The following TEX9 variants were observed in gnomAD, a reference collection of about 807,000 sequenced individuals.
TEX9 encodes the protein testis-expressed protein 9.
TEX9 carries 74 observed loss-of-function variants against 59.6 expected under a neutral mutation model. That is an observed-to-expected ratio of 1.24 (90% CI 1.03 to 1.51). The LOEUF (loss-of-function observed/expected upper bound fraction) is 1.51. Among genes scored for constraint, TEX9 ranks in the 40% most tolerant of loss-of-function variants. TEX9 has a pLI of 0.00. For synonymous variants in TEX9, 186 were observed against 152.2 expected (o/e 1.22, Z -1.64); for missense variants, 522 against 447.8 (o/e 1.17, Z -1.49).
intron 2 of TEX9, among the ~76,000 whole-genome samples, chr15:56,372,231 A>G (rs542719879): frequency 1.1e-4 from 17 of 152,224 alleles, no homozygotes; most frequent in Middle Eastern, 3.4e-3. Context: ...TCTTTCTTAG[A>G]TATTTTTCTT....
At chr15:56,387,419 T>C (rs1311257688) in intron 4 of TEX9, among the ~76,000 whole-genome samples, 1 of 152,034 alleles carries the variant, frequency 6.6e-6, no homozygotes, top group Non-Finnish European at 1.5e-5. Flanking sequence ...TTAGTTTCTG[T>C]AATTTTTAAC....
rs78227203 is a variant in TEX9, at chr15:56,418,468, G to T, written c.963+6032G>T. 4.2e-3 allele frequency among the ~76,000 whole-genome samples: 631 copies of T among 150,684 alleles called. 15 individuals carry two copies. Among genetic ancestry groups the T allele is most frequent in the African/African-American group, 0.014 (583 of 40,408 alleles). ...GTTTGGCTTAATATGAAATTCTTGA[G>T]GGCTTTTTTTTTTTCTTTAAGAATA... On this transcript the variant is annotated intron_variant, in intron 10 of 12. Coordinates refer to ENST00000352903, the Ensembl canonical transcript of TEX9.
intron 1 of TEX9, among the ~76,000 whole-genome samples, chr15:56,283,832 C>A (rs16976846): frequency 6.6e-6 from 1 of 151,852 alleles, no homozygotes; most frequent in Admixed American, 6.6e-5. Context: ...AATTTGGTAA[C>A]GCTGATATAA....
intron 1 of TEX9, among the ~76,000 whole-genome samples, chr15:56,316,788 T>C (rs2045778916): frequency 6.6e-6 from 1 of 152,236 alleles, no homozygotes; most frequent in African/African-American, 2.4e-5. Flanking sequence ...ACTGCTGTGC[T>C]AGCAATCAGC....
intron 1 of TEX9, among the ~76,000 whole-genome samples, chr15:56,258,185 A>G (rs1275971677): frequency 6.6e-6 from 1 of 152,012 alleles, no homozygotes; most frequent in Non-Finnish European, 1.5e-5. Flanking sequence ...TGTTTTAGTT[A>G]CTGTAGCCCT....
At chr15:56,317,571 T>G (rs1171437211) in intron 1 of TEX9, among the ~76,000 whole-genome samples, 2 of 152,196 alleles carry the variant, frequency 1.3e-5, no homozygotes, top group Non-Finnish European at 2.9e-5. Flanking sequence ...TTCTACTTGC[T>G]TTGAATTTAG....
intron 1 of TEX9, among the ~76,000 whole-genome samples, chr15:56,273,575 C>T (rs1372837868): frequency 6.6e-6 from 1 of 152,112 alleles, no homozygotes; most frequent in Non-Finnish European, 1.5e-5. Context: ...TTATCTTTGT[C>T]ATTTCTTTGT....
chr15:56,442,928 G>C lies in TEX9; in HGVS notation c.*30-2743G>C, dbSNP rs537771692. Among the ~76,000 whole-genome samples the C allele has an allele frequency of 9.0e-4, 136 of 151,766 alleles. 1 individual carries two copies. The highest frequency in any genetic ancestry group is 1.5e-3 in the Non-Finnish European group (105 of 67,924). On this transcript the variant is annotated intron_variant, in intron 12 of 12. Transcript: ENST00000352903. ...AGAAAAAGAAAAAAAAAAAAATCTT[G>C]AACTCTGATTGTGGATTTGCCTCTT...
At chr15:56,378,610 C>T (rs1433901423) in intron 3 of TEX9, among the ~76,000 whole-genome samples, 2 of 151,636 alleles carry the variant, frequency 1.3e-5, no homozygotes, top group African/African-American at 4.8e-5. Flanking sequence ...GGTCATCTCC[C>T]TTATTTTGTT....
At chr15:56,353,337 A>AT (rs1299459175) in intron 1 of TEX9, among the ~76,000 whole-genome samples, 2 of 152,212 alleles carry the variant, frequency 1.3e-5, no homozygotes, top group African/African-American at 4.8e-5. Flanking sequence ...GGCTTTGACT[A>AT]TTTGTAAGTA....
intron 1 of TEX9, among the ~76,000 whole-genome samples, chr15:56,254,610 ATTC>A: frequency 6.6e-6 from 1 of 151,784 alleles, no homozygotes; most frequent in Admixed American, 6.6e-5. Context: ...GCTAACAGGG[ATTC>A]TTATTTATAA....
downstream of TEX9, among the ~76,000 whole-genome samples, chr15:56,448,585 A>G (rs1404957254): frequency 6.6e-6 from 1 of 152,140 alleles, no homozygotes; most frequent in African/African-American, 2.4e-5. Context: ...TTATGTCTGT[A>G]GAGTATTCCG....
chr15:56,348,318 A>AT (rs2046511607), intron 1 of TEX9, among the ~76,000 whole-genome samples: 2 of 152,036 alleles, frequency 1.3e-5, no homozygotes, highest in Non-Finnish European at 2.9e-5. Context: ...AGGGATGGAA[A>AT]TTGCATCATA....
chr15:56,428,687 A>G (rs969372977), intron 12 of TEX9: 7 of 399,550 alleles, frequency 1.8e-5, no homozygotes, highest in Non-Finnish European at 3.1e-5. Flanking sequence ...CTTTTCATTT[A>G]TAATTCTCCT....
chr15:56,411,987 T>C (rs1279257311), intron 9 of TEX9, among the ~76,000 whole-genome samples: 2 of 152,280 alleles, frequency 1.3e-5, no homozygotes, highest in East Asian at 3.9e-4. Context: ...TATAATGAGT[T>C]GTTTATAAAA....
intron 1 of TEX9, among the ~76,000 whole-genome samples, chr15:56,350,326 A>G (rs1157701780): frequency 6.6e-6 from 1 of 152,226 alleles, no homozygotes; most frequent in Non-Finnish European, 1.5e-5. Context: ...CACATGTCCC[A>G]CATAACCTTT....
At chr15:56,373,329 ATGTATATTT>A (rs2047275906) in intron 2 of TEX9, 103 bp from the exon 3 acceptor site, 2 of 876,578 alleles carry the variant, frequency 2.3e-6, no homozygotes, top group Non-Finnish European at 1.7e-6. Flanking sequence ...AGAATGCCAT[ATGTATATTT>A]TGGCATTTGT....
At chr15:56,405,300 C>G (rs2049021674) in intron 9 of TEX9, among the ~76,000 whole-genome samples, 1 of 146,994 alleles carries the variant, frequency 6.8e-6, no homozygotes. Context: ...GAGCAAGACT[C>G]CGTCTCAAAG....
chr15:56,252,971 C>G (rs1340419523), intron 1 of TEX9, among the ~76,000 whole-genome samples: 7 of 151,988 alleles, frequency 4.6e-5, no homozygotes, highest in Admixed American at 6.6e-5. Context: ...TATGAATTTC[C>G]CTTCCTTTTT....
Sources: allele counts gnomAD v4.1 joint callset (sites outside exome capture counted in the v4.1 genomes callset), GRCh38; gene constraint gnomAD v4.1.1; transcripts MANE v1.5; gene names NCBI Gene and HGNC (gene_info 2026-07-23, HGNC 2026-07-21).